DENND1A: variants seen among roughly 807,000 people sequenced by gnomAD.
DENND1A encodes the protein DENN domain-containing protein 1A.
DENND1A carries 51 observed loss-of-function variants against 113.7 expected under a neutral mutation model. The ratio of observed to expected loss-of-function variants is 0.45; its 90% CI spans 0.36 to 0.57. The LOEUF (loss-of-function observed/expected upper bound fraction) is 0.57. Ranked by LOEUF, DENND1A falls within the 20% of genes least tolerant of loss-of-function variation. The pLI, the probability that DENND1A is intolerant of heterozygous loss-of-function variation, is 0.00. For synonymous variants in DENND1A, 565 were observed against 570.8 expected (o/e 0.99, Z 0.14); for missense variants, 1,258 against 1,395.9 (o/e 0.90, Z 1.57).
intron 18 of DENND1A, among the ~76,000 whole-genome samples, chr9:123,449,556 A>C (rs946066149): frequency 2.6e-5 from 4 of 151,528 alleles, no homozygotes; most frequent in Non-Finnish European, 5.9e-5. Context: ...AAAAGGTGGC[A>C]ACAATAATTA....
chr9:123,749,298 G>A (rs1044702000), intron 5 of DENND1A, among the ~76,000 whole-genome samples: 1 of 152,184 alleles, frequency 6.6e-6, no homozygotes, highest in Non-Finnish European at 1.5e-5. Flanking sequence ...CATTCTGCAA[G>A]GGCAAACTAC....
chr9:123,754,901 T>C lies in DENND1A; in HGVS notation c.302+2802A>G, dbSNP rs1253973562. On this transcript the variant is annotated intron_variant, in intron 5 of 23. Coordinates refer to ENST00000394215, the MANE Select transcript of DENND1A (RefSeq NM_001352964.2). ...ATTCAAATGTAAATTTTTAAATGAA[T>C]ACTTTTATCAAAATTTGCTGAGTGA... is the stretch of plus-strand genomic sequence containing the variant. Among the ~76,000 whole-genome samples, 3 of 152,202 alleles carry C rather than the reference T, an allele frequency of 2.0e-5. No homozygotes were observed. In the East Asian group the frequency reaches 5.8e-4, roughly 29 times the overall value.
chr9:123,503,583 T>C (rs1483026625), intron 13 of DENND1A, among the ~76,000 whole-genome samples: 2 of 152,184 alleles, frequency 1.3e-5, no homozygotes, highest in African/African-American at 4.8e-5. Flanking sequence ...ATATCAGCAT[T>C]GAGAAGGTAT....
chr9:123,519,189 A>G (rs1181029092), intron 13 of DENND1A, among the ~76,000 whole-genome samples: 2 of 152,196 alleles, frequency 1.3e-5, no homozygotes, highest in Non-Finnish European at 2.9e-5. Context: ...CCTCCTGTAC[A>G]GCGCGGATGG....
intron 19 of DENND1A, among the ~76,000 whole-genome samples, chr9:123,435,264 GA>G (rs2046432953): frequency 6.6e-6 from 1 of 152,198 alleles, no homozygotes; most frequent in Non-Finnish European, 1.5e-5. Flanking sequence ...AGGGTGCTGA[GA>G]AGGCATTTGC....
At chr9:123,594,835 CAG>C (rs2059613983) in intron 11 of DENND1A, among the ~76,000 whole-genome samples, 1 of 152,048 alleles carries the variant, frequency 6.6e-6, no homozygotes, top group Admixed American at 6.6e-5. Flanking sequence ...TAACAAAGAA[CAG>C]CATGGGAAGC....
chr9:123,473,443 A>G (rs1265943999), intron 13 of DENND1A, among the ~76,000 whole-genome samples: 4 of 152,088 alleles, frequency 2.6e-5, no homozygotes, highest in Non-Finnish European at 5.9e-5. Context: ...AGACAACCAC[A>G]TGACCAGCCT....
chr9:123,830,757 T>G lies in DENND1A; in HGVS notation c.89-38127A>C, dbSNP rs896042044. The stretch of plus-strand genomic sequence containing the variant: ...GGCAGACGCCTGTAATCCCAGCTAC[T>G]CGGGAGGCTGAGACAGGAGAATCAC... On this transcript the variant is annotated intron_variant, in intron 2 of 23. Transcript: ENST00000394215. Among the ~76,000 whole-genome samples the G allele has an allele frequency of 8.0e-5, 12 of 150,230 alleles. No individual in the cohort carries two copies. In the East Asian group the frequency reaches 1.8e-3, roughly 22 times the overall value.
chr9:123,409,828 ACGT>A (rs1287996863), intron 20 of DENND1A, among the ~76,000 whole-genome samples: 3 of 152,196 alleles, frequency 2.0e-5, no homozygotes, highest in Non-Finnish European at 4.4e-5. Context: ...GCGGTGGCTC[ACGT>A]CTGTAATCCC....
At chr9:123,798,549 C>T (rs1444207475) in intron 2 of DENND1A, 1 of 151,982 alleles carries the variant, frequency 6.6e-6, no homozygotes, top group Non-Finnish European at 1.5e-5. Flanking sequence ...AGGATTTTAA[C>T]CAGCAAATGC....
intron 1 of DENND1A, among the ~76,000 whole-genome samples, chr9:123,898,230 A>G (rs540813929): frequency 6.6e-6 from 1 of 152,234 alleles, no homozygotes; most frequent in South Asian, 2.1e-4. Flanking sequence ...CCATTTGTAT[A>G]TCTTCTTTAA....
intron 1 of DENND1A, among the ~76,000 whole-genome samples, chr9:123,897,589 G>C (rs531622110): frequency 1.3e-5 from 2 of 152,196 alleles, no homozygotes; most frequent in Non-Finnish European, 2.9e-5. Context: ...GGGCACTGAG[G>C]AGATGGCAAG....
At chr9:123,782,060 A>G (rs2131854222) in intron 3 of DENND1A, among the ~76,000 whole-genome samples, 1 of 152,148 alleles carries the variant, frequency 6.6e-6, no homozygotes, top group African/African-American at 2.4e-5. Flanking sequence ...ACTGGGTAAG[A>G]CTCTGTCTAA....
chr9:123,445,143 C>T (rs1041897041), intron 18 of DENND1A, among the ~76,000 whole-genome samples: 1 of 152,184 alleles, frequency 6.6e-6, no homozygotes, highest in Non-Finnish European at 1.5e-5. Context: ...GCACGGCATA[C>T]GGTAAGTCTC....
At chr9:123,610,541 T>C (rs1271999753) in intron 10 of DENND1A, among the ~76,000 whole-genome samples, 2 of 152,218 alleles carry the variant, frequency 1.3e-5, no homozygotes, top group Non-Finnish European at 2.9e-5. Context: ...ATGCAATGCT[T>C]TCCTTTGGGT....
intron 5 of DENND1A, among the ~76,000 whole-genome samples, chr9:123,728,503 A>AC (rs1239252772): frequency 1.4e-5 from 2 of 147,976 alleles, no homozygotes; most frequent in African/African-American, 2.5e-5. Context: ...AAAAAAAAAA[A>AC]AAAAAAACAG....
chr9:123,831,794 C>A (rs1450931672), intron 2 of DENND1A, among the ~76,000 whole-genome samples: 3 of 152,066 alleles, frequency 2.0e-5, no homozygotes, highest in Non-Finnish European at 4.4e-5. Flanking sequence ...ACCAGCCTGG[C>A]CAACATGGTG....
intron 11 of DENND1A, among the ~76,000 whole-genome samples, chr9:123,602,057 C>T (rs902701199): frequency 2.6e-5 from 4 of 152,194 alleles, no homozygotes; most frequent in African/African-American, 9.7e-5. Context: ...AAACCCCTTG[C>T]AGCTGAAGGC....
intron 13 of DENND1A, among the ~76,000 whole-genome samples, chr9:123,493,651 G>A (rs1287417471): frequency 6.6e-6 from 1 of 152,202 alleles, no homozygotes; most frequent in Non-Finnish European, 1.5e-5. Context: ...AGTCCCCAGA[G>A]GAATTTGGCT....
Sources: allele counts gnomAD v4.1 joint callset (sites outside exome capture counted in the v4.1 genomes callset), GRCh38; gene constraint gnomAD v4.1.1; transcripts MANE v1.5; gene names NCBI Gene and HGNC (gene_info 2026-07-23, HGNC 2026-07-21).